KIF26B: variants seen among roughly 807,000 people sequenced by gnomAD.
KIF26B encodes the protein kinesin-like protein KIF26B.
Under a neutral mutation model 151.2 loss-of-function variants are expected in KIF26B, and 63 were observed. That is an observed-to-expected ratio of 0.42 (90% CI 0.34 to 0.51). The LOEUF (loss-of-function observed/expected upper bound fraction) is 0.51, where lower values mean the gene tolerates loss of function less well. Ranked by LOEUF, KIF26B falls within the 20% of genes least tolerant of loss-of-function variation. The pLI is 0.07. For missense variants in KIF26B, 2,813 were observed against 2,913.6 expected (o/e 0.97, Z 0.79); for synonymous variants, 1,357 against 1,262.1 (o/e 1.08, Z -1.59).
intron 9 of KIF26B, among the ~76,000 whole-genome samples, chr1:245,615,815 C>T (rs983486742): frequency 1.3e-5 from 2 of 152,194 alleles, no homozygotes; most frequent in Non-Finnish European, 2.9e-5. Context: ...ATGCACACGG[C>T]CTCCCCGCCT....
intron 10 of KIF26B, among the ~76,000 whole-genome samples, chr1:245,681,570 C>G (rs1014484097): frequency 3.3e-4 from 50 of 152,116 alleles, no homozygotes; most frequent in South Asian, 6.2e-4. Context: ...GGGGGATGCG[C>G]CTTCGGCCCA....
At chr1:245,419,811 C>T in intron 4 of KIF26B, 66 bp downstream of exon 4, 1 of 1,400,548 alleles carries the variant, frequency 7.1e-7, no homozygotes, top group East Asian at 2.3e-5. Context: ...CTCACGTGGA[C>T]TAGCTCAGCT....
intron 2 of KIF26B, among the ~76,000 whole-genome samples, chr1:245,303,733 C>T (rs1049905750): frequency 6.6e-6 from 1 of 152,232 alleles, no homozygotes; most frequent in Non-Finnish European, 1.5e-5. Context: ...GAAACTTCTG[C>T]TTTAGAGCAA....
rs1208357637 is a variant in KIF26B at position 245,685,637 on chromosome 1, GC to G, written c.2660del (p.Pro887GlnfsTer35). The G allele has an allele frequency of 1.2e-6, 2 of 1,613,306 alleles. No individual in the cohort carries two copies. Among genetic ancestry groups the G allele is most frequent in the Non-Finnish European group, 1.7e-6 (2 of 1,179,748 alleles). On this transcript the variant is annotated frameshift_variant, in exon 12 of 15. Coordinates refer to ENST00000407071, the MANE Select transcript of KIF26B (RefSeq NM_018012.4). LOFTEE classifies it high-confidence loss of function. ...LSDKELTDNE[G>X]PPDFVPIVPA... ...GACAAGGAGCTCACCGACAACGAGG[GC>G]CCCCCAGACTTTGTCCCTATCGTGC...
At chr1:245,348,032 T>G (rs1672489679) in intron 2 of KIF26B, among the ~76,000 whole-genome samples, 1 of 152,240 alleles carries the variant, frequency 6.6e-6, no homozygotes, top group African/African-American at 2.4e-5. Flanking sequence ...TGGTCAGTTC[T>G]CAGTCCTCAT....
At chr1:245,470,783 C>T (rs1044943036) in intron 4 of KIF26B, among the ~76,000 whole-genome samples, 2 of 152,102 alleles carry the variant, frequency 1.3e-5, no homozygotes, top group African/African-American at 4.8e-5. Context: ...AGAAGGCCAT[C>T]GTGCTAGGCT....
At chr1:245,683,422 A>C (rs2044465426) in intron 10 of KIF26B, among the ~76,000 whole-genome samples, 1 of 152,222 alleles carries the variant, frequency 6.6e-6, no homozygotes, top group African/African-American at 2.4e-5. Flanking sequence ...AAAGCAAGGC[A>C]GGAAAAATGC....
At chr1:245,684,055 G>A (rs764554079) in intron 10 of KIF26B, among the ~76,000 whole-genome samples, 178 bp from the exon 11 acceptor site, 1 of 152,198 alleles carries the variant, frequency 6.6e-6, no homozygotes, top group Admixed American at 6.5e-5. Flanking sequence ...GCACTTGCTC[G>A]GTGCTTGCCA....
intron 10 of KIF26B, among the ~76,000 whole-genome samples, chr1:245,670,530 A>T (rs1437284538): frequency 5.8e-5 from 4 of 68,744 alleles, no homozygotes; most frequent in East Asian, 4.7e-4. Context: ...TGTCTCATTT[A>T]AAAAAAAAAG....
chr1:245,206,411 A>G (rs1669407295), intron 2 of KIF26B: 1 of 152,176 alleles, frequency 6.6e-6, no homozygotes, highest in African/African-American at 2.4e-5. Context: ...CCTTAAATTG[A>G]TTTTCCTTAT....
chr1:245,443,960 C>T (rs112183606), intron 4 of KIF26B, among the ~76,000 whole-genome samples: 261 of 107,308 alleles, frequency 2.4e-3, no homozygotes, highest in Middle Eastern at 5.0e-3. Context: ...TCATCTCCCT[C>T]ACTGTTCACC....
intron 4 of KIF26B, among the ~76,000 whole-genome samples, chr1:245,464,897 G>A (rs954537821): frequency 2.0e-5 from 3 of 152,190 alleles, no homozygotes; most frequent in African/African-American, 7.2e-5. Context: ...GCCAGAGGCC[G>A]GGGTTCGAAT....
chr1:245,678,259 G>A (rs1268843297), intron 10 of KIF26B, among the ~76,000 whole-genome samples: 1 of 151,932 alleles, frequency 6.6e-6, no homozygotes, highest in Non-Finnish European at 1.5e-5. Flanking sequence ...GTGAATGCAG[G>A]GCCCTGGGGT....
intron 2 of KIF26B, among the ~76,000 whole-genome samples, chr1:245,295,170 T>G (rs1293062267): frequency 6.6e-6 from 1 of 152,060 alleles, no homozygotes; most frequent in African/African-American, 2.4e-5. Context: ...GGAGAGAAAA[T>G]AACCCTTTTC....
At chr1:245,575,469 C>T (rs1200558850) in intron 5 of KIF26B, among the ~76,000 whole-genome samples, 2 of 146,062 alleles carry the variant, frequency 1.4e-5, no homozygotes, top group African/African-American at 2.6e-5. Context: ...TGTGGGACTC[C>T]ATCTCAAAAA....
chr1:245,205,206 C>T (rs533821154), intron 2 of KIF26B, among the ~76,000 whole-genome samples: 2 of 152,294 alleles, frequency 1.3e-5, no homozygotes, highest in East Asian at 3.9e-4. Context: ...CTTTCTGATC[C>T]ACTGGCTTTT....
intron 2 of KIF26B, among the ~76,000 whole-genome samples, chr1:245,159,421 A>G (rs1398314075): frequency 6.6e-6 from 1 of 152,108 alleles, no homozygotes; most frequent in Non-Finnish European, 1.5e-5. Context: ...TTTCCTCTCT[A>G]CTTTTTAACT....
At chr1:245,471,474 T>C (rs552696965) in intron 4 of KIF26B, among the ~76,000 whole-genome samples, 2 of 152,154 alleles carry the variant, frequency 1.3e-5, no homozygotes, top group African/African-American at 2.4e-5. Flanking sequence ...AAAAGACACC[T>C]ATAAAGATAT....
chr1:245,568,244 C>T (rs1478331296), intron 5 of KIF26B, among the ~76,000 whole-genome samples: 16 of 147,506 alleles, frequency 1.1e-4, no homozygotes, highest in African/African-American at 3.7e-4. Flanking sequence ...AGCCAGGCAC[C>T]GTGGCTCATA....
Sources: gnomAD v4.1 joint callset for allele counts (sites outside exome capture counted in the v4.1 genomes callset) on GRCh38, gnomAD v4.1.1 for gene constraint, MANE v1.5 for transcripts, NCBI Gene and HGNC (gene_info 2026-07-23, HGNC 2026-07-21) for gene names.